PRKG1: variants seen among roughly 807,000 people sequenced by gnomAD.
The protein encoded by PRKG1 is protein kinase cGMP-dependent 1, also known as cGMP-dependent protein kinase 1.
Under a neutral mutation model 88.1 loss-of-function variants are expected in PRKG1, and 35 were observed. The ratio of observed to expected loss-of-function variants is 0.40; its 90% CI spans 0.30 to 0.53. PRKG1 has a LOEUF of 0.53. PRKG1 is among the 20% of genes least tolerant of loss of function. PRKG1 has a pLI of 0.59. For missense variants in PRKG1, 540 were observed against 839.8 expected (o/e 0.64, Z 4.41); for synonymous variants, 303 against 292.5 (o/e 1.04, Z -0.37).
intron 1 of PRKG1, among the ~76,000 whole-genome samples, chr10:51,064,993 G>A (rs1843732709): frequency 6.6e-6 from 1 of 152,014 alleles, no homozygotes; most frequent in East Asian, 1.9e-4. Context: ...CTTGAACTTT[G>A]TTTAAATCTT....
intron 5 of PRKG1, among the ~76,000 whole-genome samples, chr10:51,948,250 T>G (rs1843100827): frequency 6.6e-6 from 1 of 152,188 alleles, no homozygotes; most frequent in Admixed American, 6.5e-5. Context: ...AATTTCTTCT[T>G]AGATTTGACT....
At chr10:51,456,224 TG>T (rs201320332) in intron 2 of PRKG1, among the ~76,000 whole-genome samples, 1 of 152,114 alleles carries the variant, frequency 6.6e-6, no homozygotes, top group Non-Finnish European at 1.5e-5. Context: ...GAGAACAGTA[TG>T]GGGGAAACCG....
At chr10:51,133,886 T>C (rs1367084283) in intron 1 of PRKG1, among the ~76,000 whole-genome samples, 2 of 152,216 alleles carry the variant, frequency 1.3e-5, no homozygotes, top group Admixed American at 1.3e-4. Context: ...CAGTACATTG[T>C]TAAAGCCTAA....
chr10:52,137,177 G>A (rs902356841), intron 8 of PRKG1, among the ~76,000 whole-genome samples: 2 of 152,022 alleles, frequency 1.3e-5, no homozygotes, highest in East Asian at 3.9e-4. Context: ...CAGTGATTAT[G>A]CTTTATCATT....
At chr10:51,987,789 T>G (rs76871737) in intron 5 of PRKG1, among the ~76,000 whole-genome samples, 2,113 of 152,222 alleles carry the variant, frequency 0.014, 56 homozygotes, top group African/African-American at 0.048. Context: ...TGTACATTTA[T>G]CTATGATTGC....
intron 5 of PRKG1, among the ~76,000 whole-genome samples, chr10:52,035,005 C>T (rs972058935): frequency 1.1e-4 from 16 of 152,080 alleles, no homozygotes; most frequent in Non-Finnish European, 1.9e-4. Context: ...TTCTTGAAGA[C>T]AGAGGACCAT....
chr10:52,285,435 G>A (rs1842096752), intron 14 of PRKG1, among the ~76,000 whole-genome samples: 6 of 152,006 alleles, frequency 3.9e-5, no homozygotes, highest in Admixed American at 3.9e-4. Context: ...AACTATGAGG[G>A]GAAACAGCCA....
At chr10:51,971,029 C>T (rs1843702774) in intron 5 of PRKG1, among the ~76,000 whole-genome samples, 1 of 151,586 alleles carries the variant, frequency 6.6e-6, no homozygotes, top group African/African-American at 2.4e-5. Context: ...AAGGAATAAG[C>T]TAATGCTACA....
intron 2 of PRKG1, among the ~76,000 whole-genome samples, chr10:51,160,034 G>A (rs1264972406): frequency 2.0e-5 from 3 of 152,126 alleles, no homozygotes; most frequent in Non-Finnish European, 4.4e-5. Context: ...AAGTTTGTGT[G>A]GGTTGAGGAG....
chr10:52,175,422 C>G (rs1038596349), intron 9 of PRKG1, among the ~76,000 whole-genome samples: 1 of 151,970 alleles, frequency 6.6e-6, no homozygotes, highest in Non-Finnish European at 1.5e-5. Context: ...GATTCCATAT[C>G]TTGGCTATTG....
intron 2 of PRKG1, among the ~76,000 whole-genome samples, chr10:51,298,934 T>G (rs1296971489): frequency 1.3e-5 from 2 of 152,162 alleles, no homozygotes; most frequent in African/African-American, 4.8e-5. Flanking sequence ...CATAAATGTG[T>G]TAATATTGTT....
Position 51,419,177 on chromosome 10 carries a change from A to G in PRKG1, c.479-48546A>G, listed in dbSNP as rs976962894. Among the ~76,000 whole-genome samples, 3 of 152,108 alleles carry G rather than the reference A, an allele frequency of 2.0e-5. No individual in the cohort carries two copies. In the East Asian group the frequency reaches 5.8e-4, roughly 29 times the overall value. ...ATTTCTATCCTTTAAATGTGTTCATATATTTGGGACTTAAAGTTATATGAG... is the reference window on the plus strand; with the variant it reads ...ATTTCTATCCTTTAAATGTGTTCATGTATTTGGGACTTAAAGTTATATGAG... On this transcript the variant is annotated intron_variant, in intron 2 of 17. Coordinates refer to ENST00000373980, the MANE Select transcript of PRKG1 (RefSeq NM_006258.4).
intron 9 of PRKG1, among the ~76,000 whole-genome samples, chr10:52,193,447 C>G (rs757510432): frequency 1.3e-5 from 2 of 149,400 alleles, no homozygotes; most frequent in African/African-American, 2.5e-5. Context: ...ACTTGGGAGG[C>G]TGAGGCAGGA....
intron 9 of PRKG1, among the ~76,000 whole-genome samples, chr10:52,188,261 TAC>T (rs1220611987): frequency 0.034 from 1,045 of 31,104 alleles, 60 homozygotes; most frequent in African/African-American, 0.19. Flanking sequence ...TGTATATATA[TAC>T]ATATGTATAT....
chr10:52,233,805 G>T (rs945134102), intron 9 of PRKG1, among the ~76,000 whole-genome samples: 1 of 152,016 alleles, frequency 6.6e-6, no homozygotes, highest in African/African-American at 2.4e-5. Flanking sequence ...ACTGGGTGGA[G>T]CCCACCACAG....
chr10:51,905,708 AAG>A (rs549253611), intron 4 of PRKG1, among the ~76,000 whole-genome samples: 154 of 152,274 alleles, frequency 1.0e-3, no homozygotes, highest in Non-Finnish European at 1.9e-3. Flanking sequence ...GGGGAGAAAT[AAG>A]AGAACAGGAT....
chr10:51,341,358 C>T (rs150473459), intron 2 of PRKG1, among the ~76,000 whole-genome samples: 161 of 152,188 alleles, frequency 1.1e-3, no homozygotes, highest in Non-Finnish European at 4.7e-4. Flanking sequence ...TCACACCCTG[C>T]GGTTGAGCAA....
intron 3 of PRKG1, among the ~76,000 whole-genome samples, chr10:51,714,080 C>A (rs548438065): frequency 8.8e-4 from 134 of 152,164 alleles, no homozygotes; most frequent in African/African-American, 3.1e-3. Flanking sequence ...CCCAGGTTTG[C>A]GCCATTCTCC....
intron 3 of PRKG1, among the ~76,000 whole-genome samples, chr10:51,749,872 T>C (rs1311390932): frequency 1.3e-5 from 2 of 152,090 alleles, no homozygotes; most frequent in African/African-American, 4.8e-5. Context: ...TAGCACTCTA[T>C]TTGGTGGGCT....
Sources: gnomAD v4.1 joint callset for allele counts (sites outside exome capture counted in the v4.1 genomes callset) on GRCh38, gnomAD v4.1.1 for gene constraint, MANE v1.5 for transcripts, NCBI Gene and HGNC (gene_info 2026-07-23, HGNC 2026-07-21) for gene names.